The following RIN2 variants were observed in gnomAD, a reference collection of about 807,000 sequenced individuals.
The protein encoded by RIN2 is RAB5 interacting protein 2.
RIN2 carries 36 observed loss-of-function variants against 78.0 expected under a neutral mutation model. The ratio of observed to expected loss-of-function variants is 0.46; its 90% CI spans 0.35 to 0.61. The LOEUF (loss-of-function observed/expected upper bound fraction) is 0.61. Ranked by LOEUF, RIN2 falls within the 20% of genes least tolerant of loss-of-function variation. The pLI is 0.00. For synonymous variants in RIN2, 466 were observed against 466.8 expected (o/e 1.00, Z 0.02); for missense variants, 1,087 against 1,159.7 (o/e 0.94, Z 0.91).
chr20:19,790,636 A>G (rs1426877614), intron 1 of RIN2, among the ~76,000 whole-genome samples: 1 of 152,176 alleles, frequency 6.6e-6, no homozygotes, highest in Non-Finnish European at 1.5e-5. Context: ...CAGTAAAAAA[A>G]TTAATAAAAA....
chr20:19,968,421 G>T (rs1036566273), intron 7 of RIN2, among the ~76,000 whole-genome samples: 1 of 152,168 alleles, frequency 6.6e-6, no homozygotes, highest in Non-Finnish European at 1.5e-5. Context: ...TTCTTTAATA[G>T]GATGTAAGTG....
chr20:19,979,731 G>T (rs115916934), intron 9 of RIN2, among the ~76,000 whole-genome samples: 2,863 of 151,926 alleles, frequency 0.019, 97 homozygotes, highest in African/African-American at 0.066. Context: ...AGTTATCTGG[G>T]TTATTTTTTA....
intron 3 of RIN2, among the ~76,000 whole-genome samples, chr20:19,920,266 A>G (rs1423769077): frequency 6.7e-6 from 1 of 149,236 alleles, no homozygotes; most frequent in Admixed American, 6.8e-5. Flanking sequence ...ACTGCACTCC[A>G]GTCTGGGCGA....
intron 5 of RIN2, among the ~76,000 whole-genome samples, chr20:19,958,664 T>C (rs2146247878): frequency 6.6e-6 from 1 of 152,194 alleles, no homozygotes; most frequent in Middle Eastern, 3.4e-3. Flanking sequence ...AGATCAGGAG[T>C]TCGAGACCAG....
At chr20:19,928,584 C>T (rs1467164619) in intron 3 of RIN2, among the ~76,000 whole-genome samples, 1 of 152,188 alleles carries the variant, frequency 6.6e-6, no homozygotes, top group Non-Finnish European at 1.5e-5. Context: ...CCCAGCCTTG[C>T]CCAGGCCCAG....
chr20:19,964,381 T>C (rs1301748620), intron 6 of RIN2, among the ~76,000 whole-genome samples: 1 of 152,170 alleles, frequency 6.6e-6, no homozygotes, highest in Non-Finnish European at 1.5e-5. Context: ...AGTGCTGGGA[T>C]TACATGCATG....
At position 20,000,995 on chromosome 20, in the gene RIN2, C is replaced by T. The variant is rs955573816; in HGVS notation, c.*59C>T. 10 of 1,445,972 alleles carry T rather than the reference C, an allele frequency of 6.9e-6. No homozygotes were observed. Among genetic ancestry groups the T allele is most frequent in the East Asian group, 4.6e-5 (2 of 43,824 alleles). The allele number at this position is 1,445,972 out of a possible 1,614,324, so 89.6% of individuals were successfully genotyped here. A position where few individuals can be genotyped will look rare whatever the true frequency, so the allele number is the denominator to read the frequency against. On this transcript the variant is annotated 3_prime_UTR_variant, in exon 13 of 13. Coordinates refer to ENST00000255006, the MANE Select transcript of RIN2 (RefSeq NM_018993.4). The stretch of plus-strand genomic sequence containing the variant: ...AGGGGAGCTGGAAGCCTTGCCTTCC[C>T]GCTTCTACATGCTTGAGCTTGAAAA...
At chr20:19,831,632 A>C (rs966749496) in intron 2 of RIN2, among the ~76,000 whole-genome samples, 6 of 152,374 alleles carry the variant, frequency 3.9e-5, no homozygotes, top group African/African-American at 1.4e-4. Flanking sequence ...CCCGTCAAGT[A>C]CTTGAGATTA....
At chr20:19,934,974 A>G (rs1384606131) in intron 3 of RIN2, 125 bp from the exon 4 acceptor site, 22 of 652,016 alleles carry the variant, frequency 3.4e-5, no homozygotes, top group Non-Finnish European at 5.1e-6. Flanking sequence ...GATTAAAAAA[A>G]AAAAAAAAGA....
At chr20:19,774,249 T>C (rs2034234690) in intron 1 of RIN2, among the ~76,000 whole-genome samples, 1 of 152,128 alleles carries the variant, frequency 6.6e-6, no homozygotes, top group Non-Finnish European at 1.5e-5. Flanking sequence ...AAGTACCAGT[T>C]CACTGAATCA....
chr20:19,764,242 C>T (rs1391119124), intron 1 of RIN2, among the ~76,000 whole-genome samples: 2 of 152,206 alleles, frequency 1.3e-5, no homozygotes, highest in East Asian at 3.8e-4. Context: ...TTCCCAAATA[C>T]TGAACTCCCC....
intron 4 of RIN2, among the ~76,000 whole-genome samples, chr20:19,951,626 T>C (rs1447131883): frequency 7.0e-6 from 1 of 142,300 alleles, no homozygotes; most frequent in African/African-American, 2.9e-5. Context: ...ATTTCCTAAG[T>C]CTTTTGCCTT....
chr20:19,813,477 A>T (rs6136841), intron 2 of RIN2, among the ~76,000 whole-genome samples: 42,839 of 152,140 alleles, frequency 0.28, 6,161 homozygotes, highest in South Asian at 0.39. Flanking sequence ...TGAACAAAAG[A>T]GGCAGAGTAC....
In RIN2 at chr20:19,943,975, C is replaced by CTT. The variant is rs58524523; in HGVS notation, c.158+8802_158+8803dup. ...ACATGTTTAATTCCATTTCAATATCCTTTTTTTTTTTTTTTTTTTTTTTTT... is the reference window on the plus strand; with the variant it reads ...ACATGTTTAATTCCATTTCAATATCCTTTTTTTTTTTTTTTTTTTTTTTTTTT... On this transcript the variant is annotated intron_variant, in intron 4 of 12. Transcript: ENST00000255006. Among the ~76,000 whole-genome samples the CTT allele has an allele frequency of 3.9e-3, 374 of 95,906 alleles. 14 individuals carry two copies. The highest frequency in any genetic ancestry group is 0.027 in the East Asian group (79 of 2,958). The allele number at this position is 95,906 out of a possible 152,430, so 62.9% of individuals were successfully genotyped here.
intron 2 of RIN2, among the ~76,000 whole-genome samples, chr20:19,828,299 A>G (rs751172305): frequency 3.9e-4 from 60 of 152,198 alleles, no homozygotes; most frequent in Non-Finnish European, 7.5e-4. Flanking sequence ...TCTCACTTCC[A>G]CTTCCCCAAT....
chr20:19,845,190 A>G (rs1301648359), intron 2 of RIN2, among the ~76,000 whole-genome samples: 2 of 152,204 alleles, frequency 1.3e-5, no homozygotes, highest in African/African-American at 4.8e-5. Flanking sequence ...GCTGCAATAA[A>G]CATACATGTG....
At chr20:19,842,871 A>G (rs1357935666) in intron 2 of RIN2, among the ~76,000 whole-genome samples, 3 of 152,016 alleles carry the variant, frequency 2.0e-5, no homozygotes, top group Non-Finnish European at 4.4e-5. Flanking sequence ...TCTGAAAAGA[A>G]TTCAGCATTC....
chr20:19,929,188 C>T (rs2040346460), intron 3 of RIN2, among the ~76,000 whole-genome samples: 1 of 152,196 alleles, frequency 6.6e-6, no homozygotes, highest in African/African-American at 2.4e-5. Context: ...GAGCAGCACT[C>T]ACTCACCAGC....
intron 3 of RIN2, among the ~76,000 whole-genome samples, chr20:19,931,155 C>T (rs1386527755): frequency 2.6e-5 from 4 of 152,170 alleles, no homozygotes; most frequent in Non-Finnish European, 4.4e-5. Flanking sequence ...TCATCCATTT[C>T]TCCTGTCTAG....
Sources: allele counts gnomAD v4.1 joint callset (sites outside exome capture counted in the v4.1 genomes callset), GRCh38; gene constraint gnomAD v4.1.1; transcripts MANE v1.5; gene names NCBI Gene and HGNC (gene_info 2026-07-23, HGNC 2026-07-21).